Variants in PHACTR4 observed in about 807,000 individuals in gnomAD.
PHACTR4 encodes protein phosphatase 1, regulatory subunit 124.
Under a neutral mutation model 72.7 loss-of-function variants are expected in PHACTR4, and 51 were observed. That is an observed-to-expected ratio of 0.70 (90% CI 0.56 to 0.89). The LOEUF (loss-of-function observed/expected upper bound fraction) is 0.89, where lower values mean the gene tolerates loss of function less well. Among genes scored for constraint, PHACTR4 ranks in the 40% least tolerant of loss-of-function variants. The pLI is 0.00. For synonymous variants in PHACTR4, 255 were observed against 302.5 expected (o/e 0.84, Z 1.63); for missense variants, 731 against 861.8 (o/e 0.85, Z 1.90).
chr1:28,370,652 C>T (rs1651174122), intron 1 of PHACTR4, among the ~76,000 whole-genome samples: 2 of 150,600 alleles, frequency 1.3e-5, no homozygotes, highest in Admixed American at 1.3e-4. Context: ...GGACACTCAG[C>T]TCCTCGCTCC....
At position 28,496,665 on chromosome 1, in the gene PHACTR4, C is replaced by A. The variant is rs1323911206; in HGVS notation, c.*116C>A. On this transcript the variant is annotated 3_prime_UTR_variant, in exon 14 of 14. Coordinates refer to ENST00000373839, the MANE Select transcript of PHACTR4 (RefSeq NM_001048183.3). ...CAGCCAGAATTGCATCCTCTGGGAT[C>A]TTCTGAGGTGGACAGCACTTTGAAT... 2 of 1,202,596 alleles carry A rather than the reference C, an allele frequency of 1.7e-6. No individual in the cohort carries two copies. The highest frequency in any genetic ancestry group is 2.5e-6 in the Non-Finnish European group (2 of 816,212). 74.5% of individuals were successfully genotyped at this position (1,202,596 alleles called of 1,614,324 possible). A position where few individuals can be genotyped will look rare whatever the true frequency, so the allele number is the denominator to read the frequency against.
chr1:28,481,261 C>G (rs1376181612), intron 9 of PHACTR4: 1 of 152,228 alleles, frequency 6.6e-6, no homozygotes, highest in Non-Finnish European at 1.5e-5. Context: ...AACTCATGGC[C>G]TCAAACATTC....
chr1:28,400,070 C>T (rs1653826822), intron 1 of PHACTR4, among the ~76,000 whole-genome samples: 1 of 152,070 alleles, frequency 6.6e-6, no homozygotes, highest in Non-Finnish European at 1.5e-5. Context: ...ATCTTATAGG[C>T]CGTGGTAAGA....
intron 4 of PHACTR4, among the ~76,000 whole-genome samples, chr1:28,465,446 C>A (rs1304540603): frequency 6.6e-6 from 1 of 152,082 alleles, no homozygotes; most frequent in African/African-American, 2.4e-5. Flanking sequence ...GTCTGTGAGA[C>A]CCTGTCTCAA....
chr1:28,419,881 G>T (rs1483205967), intron 2 of PHACTR4, among the ~76,000 whole-genome samples: 1 of 152,128 alleles, frequency 6.6e-6, no homozygotes, highest in Non-Finnish European at 1.5e-5. Flanking sequence ...CCTTTGTCTA[G>T]TGACAACCCA....
At chr1:28,474,416 C>T (rs1325293553) in intron 7 of PHACTR4, among the ~76,000 whole-genome samples, 1 of 150,928 alleles carries the variant, frequency 6.6e-6, no homozygotes, top group Non-Finnish European at 1.5e-5. Flanking sequence ...CCCAGCTACT[C>T]GGGAGGCTGA....
At chr1:28,490,914 G>A (rs779404694) in intron 10 of PHACTR4, 37 bp from the exon 11 acceptor site, 3 of 1,580,254 alleles carry the variant, frequency 1.9e-6, no homozygotes, top group Admixed American at 3.3e-5. Context: ...ATTGTCATTT[G>A]TGAGTAATAT....
chr1:28,444,897 G>A (rs1331402078), intron 2 of PHACTR4, among the ~76,000 whole-genome samples: 5 of 151,024 alleles, frequency 3.3e-5, no homozygotes, highest in Non-Finnish European at 7.4e-5. Context: ...AAAGTGCTGG[G>A]ATTACAGGTG....
intron 1 of PHACTR4, among the ~76,000 whole-genome samples, chr1:28,373,301 T>C (rs1481326359): frequency 6.6e-6 from 1 of 151,978 alleles, no homozygotes; most frequent in Non-Finnish European, 1.5e-5. Context: ...ACATAATTTT[T>C]TTTTTTGAGA....
intron 11 of PHACTR4, 51 bp from the exon 12 acceptor site, chr1:28,491,599 A>G (rs2124556030): frequency 6.2e-7 from 1 of 1,613,158 alleles, no homozygotes; most frequent in Non-Finnish European, 8.5e-7. Context: ...TGAATGCATG[A>G]TTGATGCCTA....
At chr1:28,452,402 C>T (rs1172076888) in intron 2 of PHACTR4, among the ~76,000 whole-genome samples, 1 of 152,038 alleles carries the variant, frequency 6.6e-6, no homozygotes, top group South Asian at 2.1e-4. Flanking sequence ...GCTACTCAGA[C>T]AGCTGAGGTG....
At chr1:28,386,903 A>G (rs1042308329) in intron 1 of PHACTR4, among the ~76,000 whole-genome samples, 1 of 152,184 alleles carries the variant, frequency 6.6e-6, no homozygotes, top group Non-Finnish European at 1.5e-5. Context: ...TATAGGGCTC[A>G]TAGAGAAATG....
Position 28,493,091 on chromosome 1 carries a change from G to A in PHACTR4, c.2093G>A (p.Arg698His), listed in dbSNP as rs781034867. 10 of 1,610,358 alleles carry A rather than the reference G, an allele frequency of 6.2e-6. No individual in the cohort carries two copies. Among genetic ancestry groups the A allele is most frequent in the Middle Eastern group, 1.7e-4 (1 of 6,042 alleles). Reference sequence around the variant, plus strand: ...CATGAAGAGAGCAAACATTTTACACGGTAAGACCCAAAAGACCCAATCATA... The same window carrying A: ...CATGAAGAGAGCAAACATTTTACACAGTAAGACCCAAAAGACCCAATCATA... ...EVHEESKHFTRYHRP is the reference protein window; with the variant it reads ...EVHEESKHFTHYHRP Residue 698 changes from arginine to histidine, a missense_variant and splice_region_variant, in exon 13 of 14, where the codon CGC becomes CAC. Transcript: ENST00000373839.
intron 1 of PHACTR4, among the ~76,000 whole-genome samples, chr1:28,381,142 G>T (rs1017395738): frequency 6.6e-6 from 1 of 150,698 alleles, no homozygotes; most frequent in Non-Finnish European, 1.5e-5. Context: ...CAGTAGCTGG[G>T]ATTACAGGCC....
intron 2 of PHACTR4, among the ~76,000 whole-genome samples, chr1:28,407,779 T>TA (rs1048608142): frequency 2.6e-5 from 4 of 152,148 alleles, no homozygotes; most frequent in Non-Finnish European, 5.9e-5. Context: ...CATTTTTAAT[T>TA]AAAAAAATCA....
intron 2 of PHACTR4, among the ~76,000 whole-genome samples, chr1:28,419,931 T>C (rs1171392202): frequency 6.6e-6 from 1 of 152,140 alleles, no homozygotes; most frequent in Non-Finnish European, 1.5e-5. Flanking sequence ...CTAGTTCATT[T>C]TTTTCTGTTA....
intron 1 of PHACTR4, among the ~76,000 whole-genome samples, chr1:28,392,560 G>C (rs530210323): frequency 2.6e-5 from 4 of 151,828 alleles, no homozygotes; most frequent in Admixed American, 6.6e-5. Flanking sequence ...GCATCACCAT[G>C]CCTGGCTAAT....
chr1:28,388,473 C>T (rs1044409898), intron 1 of PHACTR4, among the ~76,000 whole-genome samples: 3 of 152,178 alleles, frequency 2.0e-5, no homozygotes. Context: ...AAAGGACAAT[C>T]AGTGTCTTCA....
intron 2 of PHACTR4, among the ~76,000 whole-genome samples, chr1:28,432,735 T>C (rs1328254238): frequency 1.3e-5 from 2 of 152,068 alleles, no homozygotes; most frequent in Admixed American, 1.3e-4. Flanking sequence ...TTAAATCTTA[T>C]TTTTCTAAGG....
Sources: gnomAD v4.1 joint callset for allele counts (sites outside exome capture counted in the v4.1 genomes callset) on GRCh38, gnomAD v4.1.1 for gene constraint, MANE v1.5 for transcripts, NCBI Gene and HGNC (gene_info 2026-07-23, HGNC 2026-07-21) for gene names.